The following PEPD variants were observed in gnomAD, a reference collection of about 807,000 sequenced individuals.
PEPD encodes the protein peptidase D.
A neutral mutation model predicts 60.7 loss-of-function variants in PEPD; 53 were observed. The observed-to-expected ratio is 0.87, with a 90% confidence interval of 0.70 to 1.10. PEPD has a LOEUF of 1.10. Ranked by LOEUF, PEPD falls within the 50% of genes least tolerant of loss-of-function variation. The pLI is 0.00. For missense variants in PEPD, 711 were observed against 711.9 expected (o/e 1.00, Z 0.01); for synonymous variants, 267 against 284.1 (o/e 0.94, Z 0.60).
intron 9 of PEPD, among the ~76,000 whole-genome samples, chr19:33,456,480 G>A (rs976374519): frequency 7.2e-5 from 11 of 152,278 alleles, no homozygotes; most frequent in Admixed American, 3.3e-4. Flanking sequence ...GCTGGGGCCC[G>A]TCTCCAACAG....
intron 13 of PEPD, chr19:33,388,339 A>C: frequency 1.6e-6 from 1 of 644,596 alleles, no homozygotes; most frequent in East Asian, 2.8e-5. Context: ...GTGGCCACCC[A>C]TGTGCACACA....
At chr19:33,448,271 G>C (rs1047551309) in intron 9 of PEPD, among the ~76,000 whole-genome samples, 1 of 152,170 alleles carries the variant, frequency 6.6e-6, no homozygotes, top group Non-Finnish European at 1.5e-5. Context: ...CTGCTCCTGC[G>C]GGGCTGCTCC....
intron 6 of PEPD, among the ~76,000 whole-genome samples, chr19:33,487,832 G>C: frequency 6.6e-6 from 1 of 152,138 alleles, no homozygotes; most frequent in African/African-American, 2.4e-5. Flanking sequence ...ACAGGGACTG[G>C]GGGGCAACAG....
intron 12 of PEPD, among the ~76,000 whole-genome samples, chr19:33,393,239 G>GGGGTCTGGCGTCGGGGAGGCCGTCCCA (rs1568446654): frequency 9.8e-6 from 1 of 102,084 alleles, no homozygotes; most frequent in African/African-American, 3.0e-5. Flanking sequence ...CCCGGGGTCT[G>GGGGTCTGGCGTCGGGGAGGCCGTCCCA]GGGTCTGGGG....
At chr19:33,431,992 C>CAAAAAAAAAAAAAAAAAA (rs906879187) in intron 9 of PEPD, among the ~76,000 whole-genome samples, 15 of 77,858 alleles carry the variant, frequency 1.9e-4, no homozygotes, top group Non-Finnish European at 2.3e-4. Context: ...GACACCACCT[C>CAAAAAAAAAAAAAAAAAA]AAAAAAAAAA....
intron 6 of PEPD, among the ~76,000 whole-genome samples, chr19:33,484,670 G>C (rs140021273): frequency 6.6e-6 from 1 of 150,592 alleles, no homozygotes; most frequent in East Asian, 2.0e-4. Context: ...TACTCAGACA[G>C]GCAAATACTT....
intron 9 of PEPD, among the ~76,000 whole-genome samples, chr19:33,460,252 C>T (rs1198539234): frequency 6.6e-6 from 1 of 152,178 alleles, no homozygotes; most frequent in African/African-American, 2.4e-5. Flanking sequence ...TCAGACACCG[C>T]GCAGATAAAT....
intron 9 of PEPD, among the ~76,000 whole-genome samples, chr19:33,414,563 C>A (rs1468777123): frequency 6.6e-6 from 1 of 152,174 alleles, no homozygotes; most frequent in African/African-American, 2.4e-5. Flanking sequence ...CCTGCCACCA[C>A]GTGAGACAGG....
intron 4 of PEPD, among the ~76,000 whole-genome samples, chr19:33,497,582 G>T (rs187114745): frequency 6.5e-4 from 99 of 152,324 alleles, no homozygotes; most frequent in Admixed American, 1.4e-3. Context: ...GGCACTGGAG[G>T]CCTTCCTGCC....
chr19:33,430,183 G>A (rs1969239214), intron 9 of PEPD, among the ~76,000 whole-genome samples: 1 of 152,202 alleles, frequency 6.6e-6, no homozygotes, highest in South Asian at 2.1e-4. Context: ...GGAAGGACAT[G>A]GTATCTGCTC....
intron 9 of PEPD, among the ~76,000 whole-genome samples, chr19:33,427,170 G>A (rs1004485619): frequency 3.3e-5 from 5 of 152,196 alleles, no homozygotes; most frequent in South Asian, 2.1e-4. Context: ...CAGTCACGCC[G>A]CCCCTACAGA....
At chr19:33,414,692 G>A (rs1308264166) in intron 9 of PEPD, among the ~76,000 whole-genome samples, 8 of 150,584 alleles carry the variant, frequency 5.3e-5, no homozygotes, top group Non-Finnish European at 1.0e-4. Context: ...ACGTCCATAC[G>A]AGGGAGTTTC....
In PEPD at chr19:33,411,759, G is replaced by A; in HGVS notation, c.741-10C>T. The A allele has an allele frequency of 1.3e-6, 2 of 1,573,054 alleles. No homozygotes were observed. The highest frequency in any genetic ancestry group is 1.7e-6 in the Non-Finnish European group (2 of 1,143,988). On this transcript the variant is annotated splice_polypyrimidine_tract_variant and intron_variant, in intron 10 of 14. Coordinates refer to ENST00000244137, the MANE Select transcript of PEPD (RefSeq NM_000285.4). Reference sequence around the variant, plus strand: ...GGCTGAGTTCTCACCACTGCAAAGAGCCGGGGGAGGGTGATCAAAGCCCAT... The same window carrying A: ...GGCTGAGTTCTCACCACTGCAAAGAACCGGGGGAGGGTGATCAAAGCCCAT...
chr19:33,415,111 C>T (rs372877834), intron 9 of PEPD, among the ~76,000 whole-genome samples: 2 of 152,194 alleles, frequency 1.3e-5, no homozygotes, highest in African/African-American at 4.8e-5. Flanking sequence ...CTCTGTGGCG[C>T]CCTCCCAGAA....
At chr19:33,419,076 G>C (rs958523589) in intron 9 of PEPD, among the ~76,000 whole-genome samples, 3 of 152,116 alleles carry the variant, frequency 2.0e-5, no homozygotes, top group African/African-American at 7.2e-5. Flanking sequence ...CACCAGTCCT[G>C]GCCCACAGAC....
intron 11 of PEPD, 148 bp from the exon 12 acceptor site, chr19:33,402,017 GC>G: frequency 1.3e-6 from 1 of 761,166 alleles, no homozygotes; most frequent in East Asian, 2.7e-5. Flanking sequence ...GTGGGGAACT[GC>G]CACCTGGTGT....
intron 12 of PEPD, among the ~76,000 whole-genome samples, chr19:33,392,734 A>T (rs1422190065): frequency 6.6e-6 from 1 of 152,090 alleles, no homozygotes; most frequent in East Asian, 1.9e-4. Flanking sequence ...CTGCTGTGGG[A>T]GGGGCCGGGG....
At chr19:33,502,248 C>G (rs1970726367) in intron 3 of PEPD, among the ~76,000 whole-genome samples, 1 of 152,206 alleles carries the variant, frequency 6.6e-6, no homozygotes, top group Non-Finnish European at 1.5e-5. Context: ...GGCTCTATCC[C>G]CAGCCGTGCT....
Position 33,454,890 on chromosome 19 carries a change from G to A in PEPD, c.671+8105C>T, listed in dbSNP as rs151129947. Reference sequence around the variant, plus strand: ...ATGCTGATGTGATGTGATGACAATGGCACTTCTGTGCTCTCCTTCCCAGTA... The same window carrying A: ...ATGCTGATGTGATGTGATGACAATGACACTTCTGTGCTCTCCTTCCCAGTA... On this transcript the variant is annotated intron_variant, in intron 9 of 14. Coordinates refer to ENST00000244137, the MANE Select transcript of PEPD (RefSeq NM_000285.4). Among the ~76,000 whole-genome samples the A allele has an allele frequency of 1.2e-3, 185 of 152,324 alleles. 1 individual carries two copies. Among genetic ancestry groups the A allele is most frequent in the African/African-American group, 4.2e-3 (174 of 41,564 alleles).
Sources: allele counts gnomAD v4.1 joint callset (sites outside exome capture counted in the v4.1 genomes callset), GRCh38; gene constraint gnomAD v4.1.1; transcripts MANE v1.5; gene names NCBI Gene and HGNC (gene_info 2026-07-23, HGNC 2026-07-21).